CSGALNACT1: variants seen among roughly 807,000 people sequenced by gnomAD.
CSGALNACT1 encodes the protein chondroitin sulfate N-acetylgalactosaminyltransferase 1, also known as beta4GalNAcT-1.
CSGALNACT1 carries 52 observed loss-of-function variants against 51.0 expected under a neutral mutation model. The ratio of observed to expected loss-of-function variants is 1.02; its 90% CI spans 0.82 to 1.29. The LOEUF (loss-of-function observed/expected upper bound fraction) is 1.29, where lower values mean the gene tolerates loss of function less well. Ranked by LOEUF, CSGALNACT1 falls within the 50% of genes most tolerant of loss-of-function variation. The pLI is 0.00. For missense variants in CSGALNACT1, 935 were observed against 679.2 expected, an observed-to-expected ratio of 1.38 and a Z score of -4.19; for synonymous variants, 341 against 254.4, an observed-to-expected ratio of 1.34 and a Z score of -3.24.
chr8:19,661,728 T>C (rs1442698152), intron 1 of CSGALNACT1, among the ~76,000 whole-genome samples: 1 of 152,154 alleles, frequency 6.6e-6, no homozygotes, highest in Non-Finnish European at 1.5e-5. Context: ...GCCATTCCTT[T>C]CCATGAATCC....
intron 3 of CSGALNACT1, among the ~76,000 whole-genome samples, chr8:19,566,254 G>A (rs1248310550): frequency 6.6e-6 from 1 of 152,202 alleles, no homozygotes; most frequent in Non-Finnish European, 1.5e-5. Flanking sequence ...AGAGGAAGGA[G>A]CAATGTGACC....
intron 4 of CSGALNACT1, among the ~76,000 whole-genome samples, chr8:19,475,403 A>C (rs2069311034): frequency 6.6e-6 from 1 of 152,154 alleles, no homozygotes; most frequent in African/African-American, 2.4e-5. Context: ...TGTTCAGACA[A>C]TCCCTACAGC....
intron 1 of CSGALNACT1, among the ~76,000 whole-genome samples, chr8:19,741,409 A>C (rs564912701): frequency 6.6e-6 from 1 of 152,224 alleles, no homozygotes; most frequent in South Asian, 2.1e-4. Context: ...CTAAAAATAC[A>C]AAAATTAGCC....
chr8:19,637,747 G>T (rs2056258421), intron 1 of CSGALNACT1, among the ~76,000 whole-genome samples: 1 of 152,058 alleles, frequency 6.6e-6, no homozygotes, highest in African/African-American at 2.4e-5. Context: ...TTGCAGGACT[G>T]ACTTCTGAGG....
At chr8:19,666,553 G>A (rs1355665178) in intron 1 of CSGALNACT1, among the ~76,000 whole-genome samples, 1 of 151,636 alleles carries the variant, frequency 6.6e-6, no homozygotes, top group East Asian at 1.9e-4. Flanking sequence ...AGATTAGCCA[G>A]GTGTGGTGGT....
rs540640601 is a variant in CSGALNACT1 at position 19,662,139 on chromosome 8, G to C, written c.-544+20334C>G. Among the ~76,000 whole-genome samples the C allele has an allele frequency of 1.4e-3, 187 of 135,942 alleles. 2 individuals carry two copies. The highest frequency in any genetic ancestry group is 2.3e-3 in the Non-Finnish European group (154 of 65,928). The allele number at this position is 135,942 out of a possible 152,430, so 89.2% of individuals were successfully genotyped here. A position where few individuals can be genotyped will look rare whatever the true frequency, so the allele number is the denominator to read the frequency against. On this transcript the variant is annotated intron_variant, in intron 1 of 9. Coordinates refer to the CSGALNACT1 transcript ENST00000332246. ...TATTGAAATCCAGCAACTGAGGCTA[G>C]GTGCGGTGGGGCTCACACTGGTAAT...
intron 4 of CSGALNACT1, among the ~76,000 whole-genome samples, chr8:19,470,526 C>A (rs1458068579): frequency 6.6e-6 from 1 of 152,136 alleles, no homozygotes; most frequent in African/African-American, 2.4e-5. Context: ...TGAGCTTGGA[C>A]TGGACTCTGC....
intron 6 of CSGALNACT1, among the ~76,000 whole-genome samples, chr8:19,438,702 CG>C (rs2060799439): frequency 6.6e-6 from 1 of 152,170 alleles, no homozygotes; most frequent in South Asian, 2.1e-4. Context: ...TGTAAACAAA[CG>C]GGCATGCCTG....
intron 1 of CSGALNACT1, among the ~76,000 whole-genome samples, chr8:19,675,763 C>T (rs2060130884): frequency 6.6e-6 from 1 of 152,114 alleles, no homozygotes; most frequent in East Asian, 1.9e-4. Flanking sequence ...GCTAGGATTA[C>T]AAGTGTAAGC....
intron 3 of CSGALNACT1, among the ~76,000 whole-genome samples, chr8:19,545,626 A>G (rs11777105): frequency 6.6e-6 from 1 of 152,016 alleles, no homozygotes; most frequent in Non-Finnish European, 1.5e-5. Context: ...TCAATGAATG[A>G]GTATGCTAAA....
chr8:19,618,776 G>A (rs542336573), intron 1 of CSGALNACT1, among the ~76,000 whole-genome samples: 13 of 152,072 alleles, frequency 8.5e-5, no homozygotes, highest in African/African-American at 2.4e-4. Context: ...TCCCAAGGCC[G>A]GGGCTAGCAC....
At chr8:19,616,251 T>C (rs2052990174) in intron 1 of CSGALNACT1, among the ~76,000 whole-genome samples, 1 of 152,222 alleles carries the variant, frequency 6.6e-6, no homozygotes. Context: ...GTTATTTCTT[T>C]ATGCTACTTG....
At chr8:19,678,724 T>G (rs2060376183) in intron 1 of CSGALNACT1, 1 of 152,118 alleles carries the variant, frequency 6.6e-6, no homozygotes, top group African/African-American at 2.4e-5. Context: ...TTCCATACGT[T>G]TTGACCCACG....
At chr8:19,697,316 G>C (rs1225330843) in intron 1 of CSGALNACT1, among the ~76,000 whole-genome samples, 1 of 152,142 alleles carries the variant, frequency 6.6e-6, no homozygotes, top group Non-Finnish European at 1.5e-5. Context: ...GCAAGCAAGA[G>C]GGTCAAGAAG....
chr8:19,587,950 G>C (rs1356182020), intron 3 of CSGALNACT1: 1 of 152,180 alleles, frequency 6.6e-6, no homozygotes, highest in East Asian at 1.9e-4. Flanking sequence ...CAGTGCTTTG[G>C]GAGGCTGAGG....
chr8:19,628,138 G>A (rs1447496121), intron 1 of CSGALNACT1, among the ~76,000 whole-genome samples: 2 of 152,142 alleles, frequency 1.3e-5, no homozygotes, highest in African/African-American at 2.4e-5. Context: ...CTTTGCAGTA[G>A]ATACTGTTGT....
chr8:19,666,675 T>C lies in CSGALNACT1; in HGVS notation c.-544+15798A>G, dbSNP rs572213913. ...ATTGTGCTACTGCACTCCAGCCTAA[T>C]TGACAAACCAAGACTGTCCCGGGAG... On this transcript the variant is annotated intron_variant, in intron 1 of 9. Coordinates refer to the CSGALNACT1 transcript ENST00000332246. Among the ~76,000 whole-genome samples, 18 of 148,092 alleles carry C rather than the reference T, an allele frequency of 1.2e-4. No individual in the cohort carries two copies. In the South Asian group the frequency reaches 1.7e-3, roughly 14 times the overall value.
intron 1 of CSGALNACT1, among the ~76,000 whole-genome samples, chr8:19,624,122 C>T (rs1315849222): frequency 6.6e-6 from 1 of 152,148 alleles, no homozygotes; most frequent in African/African-American, 2.4e-5. Flanking sequence ...GAATGCCCAC[C>T]ATCGGTCCCT....
chr8:19,624,913 G>A (rs2054259683), intron 1 of CSGALNACT1, among the ~76,000 whole-genome samples: 2 of 152,098 alleles, frequency 1.3e-5, no homozygotes, highest in South Asian at 2.1e-4. Flanking sequence ...TCCTGACCTC[G>A]TGACCCGCCC....
Sources: allele counts gnomAD v4.1 joint callset (sites outside exome capture counted in the v4.1 genomes callset), GRCh38; gene constraint gnomAD v4.1.1; transcripts MANE v1.5; gene names NCBI Gene and HGNC (gene_info 2026-07-23, HGNC 2026-07-21).